PCLO: variants seen among roughly 807,000 people sequenced by gnomAD.
PCLO encodes the protein protein piccolo.
In PCLO, 82 loss-of-function variants were observed where a neutral mutation model predicts 427.5. The ratio of observed to expected loss-of-function variants is 0.19; its 90% CI spans 0.16 to 0.23. PCLO has a LOEUF of 0.23. PCLO is among the 10% of genes least tolerant of loss of function. The probability of loss-of-function intolerance (pLI) is 1.00; values close to 1 mark genes in which losing one functional copy is unlikely to be tolerated. For synonymous variants in PCLO, 2,357 were observed against 2,155.4 expected, an observed-to-expected ratio of 1.09 and a Z score of -2.59; for missense variants, 6,239 against 6,115.9, an observed-to-expected ratio of 1.02 and a Z score of -0.67.
At chr7:82,938,438 GCCT>G (rs1795006013) in intron 6 of PCLO, among the ~76,000 whole-genome samples, 1 of 151,714 alleles carries the variant, frequency 6.6e-6, no homozygotes, top group African/African-American at 2.4e-5. Flanking sequence ...GGTACAGATG[GCCT>G]CCTTTTTCTC....
intron 10 of PCLO, among the ~76,000 whole-genome samples, chr7:82,873,577 C>T (rs1793293837): frequency 6.6e-6 from 1 of 152,124 alleles, no homozygotes; most frequent in African/African-American, 2.4e-5. Context: ...GAGAGCAAAA[C>T]ACATTCACTA....
chr7:82,773,127 T>C (rs1006458780), intron 22 of PCLO, among the ~76,000 whole-genome samples: 2 of 152,164 alleles, frequency 1.3e-5, no homozygotes, highest in Non-Finnish European at 2.9e-5. Context: ...TGACTTTTGA[T>C]CTAAAAGCAG....
rs1194187289 is a variant in PCLO, at chr7:83,134,644, G to A, written c.2906C>T (p.Ala969Val). 4 of 1,613,874 alleles carry A rather than the reference G, an allele frequency of 2.5e-6. No individual in the cohort carries two copies. The highest frequency in any genetic ancestry group is 3.4e-6 in the Non-Finnish European group (4 of 1,179,852). ...GPGAPMKQAP[A>V]PSQPPTSQGP... is the part of the protein sequence containing the mutation. ...TTGTGAAGTAGGTGGCTGTGAAGGGGCAGGGGCTTGTTTCATTGGGGCCCC... is the reference window on the plus strand; with the variant it reads ...TTGTGAAGTAGGTGGCTGTGAAGGGACAGGGGCTTGTTTCATTGGGGCCCC... Residue 969 changes from alanine (A) to valine (V), a missense_variant, in exon 3 of 25, where the codon GCC (alanine) becomes GTC (valine). Around this residue, in one of 5 missense-constraint regions of PCLO, gnomAD observed 4,677 missense variants for 4,468.4 expected, o/e 1.05. Transcript: ENST00000333891.
At chr7:82,931,386 C>T (rs1794837487) in intron 6 of PCLO, among the ~76,000 whole-genome samples, 1 of 152,044 alleles carries the variant, frequency 6.6e-6, no homozygotes, top group African/African-American at 2.4e-5. Context: ...AACAAATCAC[C>T]TCAAAATTTA....
intron 9 of PCLO, among the ~76,000 whole-genome samples, chr7:82,901,768 T>C (rs1794046648): frequency 6.6e-6 from 1 of 151,996 alleles, no homozygotes; most frequent in South Asian, 2.1e-4. Context: ...GGGCAAAGGA[T>C]ATGAACAGAC....
intron 21 of PCLO, among the ~76,000 whole-genome samples, chr7:82,802,148 T>C (rs1303104612): frequency 6.6e-6 from 1 of 152,072 alleles, no homozygotes; most frequent in Non-Finnish European, 1.5e-5. Flanking sequence ...GCTTGGTCTC[T>C]GTTTCTGGCT....
chr7:83,023,831 T>C (rs112252147), intron 3 of PCLO, among the ~76,000 whole-genome samples: 2 of 152,196 alleles, frequency 1.3e-5, no homozygotes, highest in South Asian at 2.1e-4. Flanking sequence ...ATTAATGTCA[T>C]TGATAGCAGA....
chr7:83,026,333 C>G (rs1263369957), intron 3 of PCLO, among the ~76,000 whole-genome samples: 1 of 151,830 alleles, frequency 6.6e-6, no homozygotes, highest in Non-Finnish European at 1.5e-5. Context: ...GACTTTAAAC[C>G]AACAAAGATC....
intron 9 of PCLO, among the ~76,000 whole-genome samples, chr7:82,881,304 A>T (rs1351409879): frequency 6.6e-6 from 1 of 152,194 alleles, no homozygotes; most frequent in Non-Finnish European, 1.5e-5. Flanking sequence ...TCTGCAAATG[A>T]CAGTGTCTTG....
intron 3 of PCLO, among the ~76,000 whole-genome samples, chr7:82,999,322 G>T (rs1261123495): frequency 0.016 from 2,149 of 135,028 alleles, 68 homozygotes; most frequent in African/African-American, 0.058. Context: ...ATATGGATAT[G>T]TAATAAATAT....
chr7:83,154,541 T>A (rs1307871382), intron 2 of PCLO, among the ~76,000 whole-genome samples: 1 of 152,090 alleles, frequency 6.6e-6, no homozygotes, highest in Non-Finnish European at 1.5e-5. Context: ...ATATGTCAAA[T>A]TTTCAGAAAT....
Position 82,801,603 on chromosome 7 carries a change from T to A in PCLO, c.14934-12A>T. ...GTCCCATCTTCCCTCTGTTTAGAAA[T>A]AAAATAAAATGATATATTCAGTTAT... On this transcript the variant is annotated splice_polypyrimidine_tract_variant and intron_variant, in intron 21 of 24. Transcript: ENST00000333891. The A allele has an allele frequency of 6.7e-7, 1 of 1,498,064 alleles. No individual in the cohort carries two copies. Among genetic ancestry groups the A allele is most frequent in the Non-Finnish European group, 9.3e-7 (1 of 1,076,694 alleles). 92.8% of individuals were successfully genotyped at this position (1,498,064 alleles called of 1,614,324 possible).
intron 18 of PCLO, among the ~76,000 whole-genome samples, chr7:82,825,989 T>C (rs2189248): frequency 0.81 from 121,034 of 149,436 alleles, 49,139 homozygotes; most frequent in East Asian, 0.93. Context: ...GATCTGTTCA[T>C]GCTACCAATT....
intron 10 of PCLO, among the ~76,000 whole-genome samples, chr7:82,857,447 T>G (rs188812122): frequency 2.1e-3 from 325 of 152,298 alleles, no homozygotes; most frequent in African/African-American, 7.6e-3. Context: ...GTTACTTAAA[T>G]GTATCTTACT....
chr7:82,818,477 T>A (rs750104117), intron 20 of PCLO, among the ~76,000 whole-genome samples: 2 of 152,070 alleles, frequency 1.3e-5, no homozygotes, highest in Non-Finnish European at 2.9e-5. Context: ...TCAACAACCT[T>A]TAGAAAGGAG....
chr7:82,826,500 C>T lies in PCLO; in HGVS notation c.14415+89G>A, dbSNP rs1791947016. ...GAAGATTTTTTTCAGAAACGGCTAT[C>T]TTATAAACTTCAGAAACATGCTTTG... On this transcript the variant is annotated intron_variant, in intron 18 of 24. Transcript: ENST00000333891. 5 of 805,324 alleles carry T rather than the reference C, an allele frequency of 6.2e-6. No homozygotes were observed. In the East Asian group the frequency reaches 8.2e-5, roughly 13 times the overall value. 49.9% of individuals were successfully genotyped at this position (805,324 alleles called of 1,614,324 possible).
intron 3 of PCLO, among the ~76,000 whole-genome samples, chr7:83,053,567 T>C (rs1260618055): frequency 6.6e-6 from 1 of 151,932 alleles, no homozygotes; most frequent in Non-Finnish European, 1.5e-5. Flanking sequence ...GAAAAATTAA[T>C]GCAGAGACTA....
intron 10 of PCLO, among the ~76,000 whole-genome samples, chr7:82,873,116 T>C (rs1038156858): frequency 1.3e-5 from 2 of 151,828 alleles, no homozygotes; most frequent in African/African-American, 4.8e-5. Flanking sequence ...AGAAACATGG[T>C]AAAATTGTAA....
intron 3 of PCLO, among the ~76,000 whole-genome samples, chr7:83,017,620 T>C (rs1562921258): frequency 6.6e-6 from 1 of 152,020 alleles, no homozygotes; most frequent in Non-Finnish European, 1.5e-5. Flanking sequence ...CTTTTCCTAA[T>C]GATATATTGA....
Sources: gnomAD v4.1 joint callset for allele counts (sites outside exome capture counted in the v4.1 genomes callset) on GRCh38, gnomAD v4.1.1 for gene constraint, gnomAD v4.1.1 regional missense constraint, MANE v1.5 for transcripts, NCBI Gene and HGNC (gene_info 2026-07-23, HGNC 2026-07-21) for gene names.